Variants in ELMO1 observed in about 807,000 individuals in gnomAD.
ELMO1 encodes engulfment and cell motility 1, also known as engulfment and cell motility protein 1.
A neutral mutation model predicts 98.9 loss-of-function variants in ELMO1; 26 were observed. The ratio of observed to expected loss-of-function variants is 0.26; its 90% CI spans 0.19 to 0.36. The LOEUF is 0.36. ELMO1 is among the 10% of genes least tolerant of loss of function. The pLI, the probability that ELMO1 is intolerant of heterozygous loss-of-function variation, is 1.00. For synonymous variants in ELMO1, 346 were observed against 346.0 expected, an observed-to-expected ratio of 1.00 and a Z score of 0.00; for missense variants, 627 against 935.2, an observed-to-expected ratio of 0.67 and a Z score of 4.30.
At chr7:37,198,736 C>T (rs898402710) in intron 13 of ELMO1, among the ~76,000 whole-genome samples, 13 of 152,216 alleles carry the variant, frequency 8.5e-5, no homozygotes, top group African/African-American at 2.4e-4. Context: ...TGCTCCAAAG[C>T]GCCATGTGCA....
intron 6 of ELMO1, among the ~76,000 whole-genome samples, chr7:37,245,908 G>C (rs950927614): frequency 2.0e-5 from 3 of 152,174 alleles, no homozygotes; most frequent in Admixed American, 6.5e-5. Context: ...TAATAATAGT[G>C]ATAGATTAAA....
chr7:36,994,535 T>C (rs966347347), intron 16 of ELMO1, among the ~76,000 whole-genome samples: 1 of 152,264 alleles, frequency 6.6e-6, no homozygotes, highest in African/African-American at 2.4e-5. Flanking sequence ...TCTGTCATTC[T>C]ATCCAGCATC....
intron 2 of ELMO1, among the ~76,000 whole-genome samples, chr7:37,334,322 T>C (rs1467404829): frequency 6.6e-6 from 1 of 152,122 alleles, no homozygotes; most frequent in Non-Finnish European, 1.5e-5. Flanking sequence ...GGCGGGCACC[T>C]GTAATCCCAG....
chr7:37,051,518 T>C (rs1002320548), intron 15 of ELMO1, among the ~76,000 whole-genome samples: 4 of 152,324 alleles, frequency 2.6e-5, no homozygotes, highest in Admixed American at 2.0e-4. Flanking sequence ...ATTCTGAGGA[T>C]TAAATGTTTC....
At chr7:37,256,738 AAGG>A (rs542917017) in intron 6 of ELMO1, among the ~76,000 whole-genome samples, 1 of 50,260 alleles carries the variant, frequency 2.0e-5, no homozygotes, top group South Asian at 6.5e-4. Context: ...AAGGGAAGGG[AAGG>A]GAAGGGAAGG....
chr7:36,997,119 A>G (rs540972830), intron 16 of ELMO1, among the ~76,000 whole-genome samples: 1 of 152,132 alleles, frequency 6.6e-6, no homozygotes, highest in Non-Finnish European at 1.5e-5. Flanking sequence ...TCTACACAAG[A>G]GATGATGGTG....
At chr7:36,957,036 C>T (rs1416174995) in intron 16 of ELMO1, among the ~76,000 whole-genome samples, 1 of 152,352 alleles carries the variant, frequency 6.6e-6, no homozygotes, top group East Asian at 1.9e-4. Context: ...ATAGCCAAAG[C>T]TATTTAAGGG....
chr7:37,326,187 T>C (rs551832028), intron 2 of ELMO1, among the ~76,000 whole-genome samples: 3 of 152,256 alleles, frequency 2.0e-5, no homozygotes, highest in African/African-American at 7.2e-5. Flanking sequence ...ATTCAAGCAA[T>C]TATCAAAAAT....
intron 16 of ELMO1, among the ~76,000 whole-genome samples, chr7:36,965,927 A>G (rs1789390325): frequency 6.6e-6 from 1 of 152,152 alleles, no homozygotes; most frequent in Non-Finnish European, 1.5e-5. Context: ...TTGATCCCCC[A>G]TCCTGCCTGT....
intron 15 of ELMO1, among the ~76,000 whole-genome samples, chr7:37,054,006 C>T (rs1796262321): frequency 6.6e-6 from 1 of 152,090 alleles, no homozygotes; most frequent in African/African-American, 2.4e-5. Flanking sequence ...GTTTGCATTC[C>T]TTTATTCAGA....
At chr7:37,133,622 G>A (rs1477453903) in intron 13 of ELMO1, among the ~76,000 whole-genome samples, 2 of 152,168 alleles carry the variant, frequency 1.3e-5, no homozygotes, top group African/African-American at 4.8e-5. Context: ...TATTTAATTT[G>A]GAAGCTGACT....
intron 16 of ELMO1, chr7:37,001,943 G>A (rs190446303): frequency 5.3e-4 from 81 of 152,294 alleles, no homozygotes; most frequent in African/African-American, 1.9e-3. Flanking sequence ...GAGGAGATTC[G>A]GAAAATGGAA....
intron 14 of ELMO1, among the ~76,000 whole-genome samples, chr7:37,127,827 T>C (rs537870764): frequency 3.8e-3 from 576 of 152,242 alleles, no homozygotes; most frequent in Middle Eastern, 6.8e-3. Flanking sequence ...CCAGCATAGG[T>C]CTTCAGCCAA....
chr7:36,925,109 C>G (rs561961534), intron 16 of ELMO1, among the ~76,000 whole-genome samples: 1 of 152,128 alleles, frequency 6.6e-6, no homozygotes, highest in Non-Finnish European at 1.5e-5. Flanking sequence ...GCCCAGAATG[C>G]CCACAGTGCT....
chr7:37,271,726 T>C (rs374162765), intron 5 of ELMO1, 106 bp downstream of exon 5: 62 of 1,213,886 alleles, frequency 5.1e-5, no homozygotes, highest in East Asian at 4.3e-4. Flanking sequence ...TGGAAGCCTT[T>C]TGCTTTGCAC....
intron 16 of ELMO1, among the ~76,000 whole-genome samples, chr7:36,923,928 G>T (rs1249178414): frequency 6.6e-6 from 1 of 152,170 alleles, no homozygotes; most frequent in African/African-American, 2.4e-5. Context: ...TTCTATACGT[G>T]TGGAACACAA....
chr7:37,288,929 C>A (rs2257190), intron 4 of ELMO1, among the ~76,000 whole-genome samples: 53,373 of 152,108 alleles, frequency 0.35, 10,525 homozygotes, highest in Middle Eastern at 0.54. Flanking sequence ...ACCTACCACA[C>A]TCTGCCCCCA....
intron 2 of ELMO1, among the ~76,000 whole-genome samples, chr7:37,336,536 C>T (rs1026209582): frequency 2.0e-5 from 3 of 152,088 alleles, no homozygotes; most frequent in African/African-American, 7.2e-5. Context: ...ACAGTGAACA[C>T]ACAGACCAGA....
intron 18 of ELMO1, among the ~76,000 whole-genome samples, chr7:36,886,259 A>C (rs1805001528): frequency 6.6e-6 from 1 of 152,192 alleles, no homozygotes; most frequent in South Asian, 2.1e-4. Context: ...GCTCAGCTTG[A>C]AATTCACTCT....
Sources: allele counts gnomAD v4.1 joint callset (sites outside exome capture counted in the v4.1 genomes callset), GRCh38; gene constraint gnomAD v4.1.1; transcripts MANE v1.5; gene names NCBI Gene and HGNC (gene_info 2026-07-23, HGNC 2026-07-21).